NRXN3: variants seen among roughly 807,000 people sequenced by gnomAD.
NRXN3 encodes neurexin III.
In NRXN3, 32 loss-of-function variants were observed where a neutral mutation model predicts 137.6. The ratio of observed to expected loss-of-function variants is 0.23; its 90% CI spans 0.18 to 0.31. NRXN3 has a LOEUF of 0.31. Among genes scored for constraint, NRXN3 ranks in the 10% least tolerant of loss-of-function variants. The pLI, the probability that NRXN3 is intolerant of heterozygous loss-of-function variation, is 1.00. For synonymous variants in NRXN3, 798 were observed against 784.5 expected (o/e 1.02, Z -0.29); for missense variants, 1,574 against 2,062.5 (o/e 0.76, Z 4.59).
At chr14:79,208,092 G>C (rs1568608345) in intron 15 of NRXN3, among the ~76,000 whole-genome samples, 1 of 152,128 alleles carries the variant, frequency 6.6e-6, no homozygotes, top group Non-Finnish European at 1.5e-5. Context: ...CATATTTGTA[G>C]AAAGAAAGAC....
At chr14:78,799,172 G>A (rs745962207) in intron 8 of NRXN3, among the ~76,000 whole-genome samples, 18 of 152,198 alleles carry the variant, frequency 1.2e-4, no homozygotes, top group Middle Eastern at 6.8e-3. Flanking sequence ...CAACTTTTTT[G>A]GACCTTTGTG....
intron 19 of NRXN3, among the ~76,000 whole-genome samples, chr14:79,779,503 G>A (rs1245595282): frequency 1.3e-5 from 2 of 152,078 alleles, no homozygotes; most frequent in African/African-American, 4.8e-5. Flanking sequence ...CAGATCTTTG[G>A]AAGTCTCAGG....
At chr14:78,424,851 T>C (rs1347611822) in intron 4 of NRXN3, among the ~76,000 whole-genome samples, 4 of 152,206 alleles carry the variant, frequency 2.6e-5, no homozygotes, top group Admixed American at 2.6e-4. Flanking sequence ...AGAAATAAAG[T>C]ACATTGCCCA....
intron 14 of NRXN3, among the ~76,000 whole-genome samples, chr14:78,987,199 G>A (rs11624311): frequency 0.22 from 33,287 of 151,940 alleles, 4,066 homozygotes; most frequent in Admixed American, 0.38. Flanking sequence ...AGCTCCAAGC[G>A]TTTGCATTCC....
At chr14:78,944,214 C>T (rs2099360880) in intron 10 of NRXN3, among the ~76,000 whole-genome samples, 1 of 152,088 alleles carries the variant, frequency 6.6e-6, no homozygotes. Flanking sequence ...CTTCTGGCTA[C>T]AAAAATGCAA....
At chr14:78,610,289 G>C (rs1456898567) in intron 4 of NRXN3, among the ~76,000 whole-genome samples, 1 of 152,166 alleles carries the variant, frequency 6.6e-6, no homozygotes, top group Non-Finnish European at 1.5e-5. Flanking sequence ...TCCATAATAA[G>C]TTCATTTTTA....
intron 8 of NRXN3, among the ~76,000 whole-genome samples, chr14:78,773,241 C>G (rs2098734078): frequency 6.6e-6 from 1 of 152,162 alleles, no homozygotes; most frequent in African/African-American, 2.4e-5. Flanking sequence ...AATGACAAAA[C>G]CTTTCAACCC....
At chr14:79,560,807 C>G (rs2097488519) in intron 16 of NRXN3, among the ~76,000 whole-genome samples, 1 of 152,032 alleles carries the variant, frequency 6.6e-6, no homozygotes, top group Non-Finnish European at 1.5e-5. Context: ...TCCCAAAGTG[C>G]TGGGATTACA....
intron 4 of NRXN3, among the ~76,000 whole-genome samples, chr14:78,504,089 G>A (rs373946847): frequency 2.0e-4 from 30 of 152,168 alleles, no homozygotes; most frequent in Admixed American, 3.9e-4. Flanking sequence ...ATTGCTAAGA[G>A]GGGAATAGAG....
At chr14:79,243,862 T>C (rs893320297) in intron 15 of NRXN3, among the ~76,000 whole-genome samples, 3 of 152,134 alleles carry the variant, frequency 2.0e-5, no homozygotes, top group African/African-American at 2.4e-5. Flanking sequence ...TACATGGCTA[T>C]ATTATTATCA....
At chr14:78,650,246 C>T (rs1421201305) in intron 5 of NRXN3, among the ~76,000 whole-genome samples, 2 of 151,894 alleles carry the variant, frequency 1.3e-5, no homozygotes, top group Non-Finnish European at 2.9e-5. Flanking sequence ...AATTTCTCCC[C>T]ACCCTTTCCC....
chr14:78,753,708 G>T (rs976369629), intron 8 of NRXN3: 1 of 152,240 alleles, frequency 6.6e-6, no homozygotes, highest in Non-Finnish European at 1.5e-5. Flanking sequence ...GAAGCTTAGA[G>T]CAGTGGGTAA....
At chr14:79,270,436 G>A (rs555686182) in intron 15 of NRXN3, among the ~76,000 whole-genome samples, 58 of 152,288 alleles carry the variant, frequency 3.8e-4, no homozygotes, top group African/African-American at 1.1e-3. Flanking sequence ...GAATATTGTC[G>A]TTTTCATTTT....
chr14:79,340,280 C>T (rs1015463825), intron 15 of NRXN3, among the ~76,000 whole-genome samples: 3 of 151,678 alleles, frequency 2.0e-5, no homozygotes, highest in Admixed American at 2.0e-4. Flanking sequence ...TCTTTCTTCT[C>T]TAATAATAAA....
chr14:78,515,255 C>T (rs562587388), intron 4 of NRXN3, among the ~76,000 whole-genome samples: 1 of 152,274 alleles, frequency 6.6e-6, no homozygotes, highest in South Asian at 2.1e-4. Context: ...TGCTCATCTT[C>T]GACCTGGTAA....
At position 78,510,077 on chromosome 14, in the gene NRXN3, G is replaced by A. The variant is rs373284263; in HGVS notation, c.758-135043G>A. Reference sequence around the variant, plus strand: ...ATATATATTTTGGCAATGCCTAGATGAGTATTAGTAACATACTAGTTGCAA... The same window carrying A: ...ATATATATTTTGGCAATGCCTAGATAAGTATTAGTAACATACTAGTTGCAA... On this transcript the variant is annotated intron_variant, in intron 4 of 20. Transcript: ENST00000335750. Among the ~76,000 whole-genome samples the A allele has an allele frequency of 7.8e-5, 11 of 141,872 alleles. No individual in the cohort carries two copies. In the East Asian group the frequency reaches 2.1e-3, roughly 27 times the overall value. The allele number at this position is 141,872 out of a possible 152,430, so 93.1% of individuals were successfully genotyped here. A position where few individuals can be genotyped will look rare whatever the true frequency, so the allele number is the denominator to read the frequency against.
intron 15 of NRXN3, among the ~76,000 whole-genome samples, chr14:79,073,443 T>C (rs2099690975): frequency 1.3e-5 from 2 of 152,292 alleles, no homozygotes; most frequent in Non-Finnish European, 2.9e-5. Context: ...CATTGCATTG[T>C]GCCATGTAAG....
chr14:78,197,066 C>T (rs1397003885), intron 1 of NRXN3, among the ~76,000 whole-genome samples: 1 of 152,192 alleles, frequency 6.6e-6, no homozygotes, highest in Non-Finnish European at 1.5e-5. Flanking sequence ...CCCTCCTGCT[C>T]CACAAACTGG....
intron 15 of NRXN3, among the ~76,000 whole-genome samples, chr14:79,390,713 T>C (rs1039497931): frequency 3.3e-5 from 5 of 152,198 alleles, no homozygotes; most frequent in Non-Finnish European, 7.4e-5. Context: ...TAAATCATTA[T>C]GTGCACATAC....
Sources: allele counts gnomAD v4.1 joint callset (sites outside exome capture counted in the v4.1 genomes callset), GRCh38; gene constraint gnomAD v4.1.1; transcripts MANE v1.5; gene names NCBI Gene and HGNC (gene_info 2026-07-23, HGNC 2026-07-21).